COL12A1: variants seen among roughly 807,000 people sequenced by gnomAD.
COL12A1 encodes the protein collagen alpha-1(XII) chain.
In COL12A1, 114 loss-of-function variants were observed where a neutral mutation model predicts 349.7. That is an observed-to-expected ratio of 0.33 (90% CI 0.28 to 0.38). The LOEUF (loss-of-function observed/expected upper bound fraction) is 0.38. Ranked by LOEUF, COL12A1 falls within the 10% of genes least tolerant of loss-of-function variation. The pLI, the probability that COL12A1 is intolerant of heterozygous loss-of-function variation, is 1.00. For synonymous variants in COL12A1, 1,369 were observed against 1,329.0 expected, an observed-to-expected ratio of 1.03 and a Z score of -0.66; for missense variants, 3,284 against 3,756.9, an observed-to-expected ratio of 0.87 and a Z score of 3.29.
At chr6:75,149,496 T>A (rs1425091391) in intron 21 of COL12A1, among the ~76,000 whole-genome samples, 4 of 152,108 alleles carry the variant, frequency 2.6e-5, no homozygotes, top group Non-Finnish European at 5.9e-5. Context: ...CCTGTGATTG[T>A]GCTCCCTGTG....
chr6:75,131,203 G>C (rs1388387203), intron 35 of COL12A1, among the ~76,000 whole-genome samples: 1 of 152,036 alleles, frequency 6.6e-6, no homozygotes, highest in East Asian at 1.9e-4. Flanking sequence ...ACCCTTAGTA[G>C]CTTCAGTTAT....
chr6:75,086,541 A>T lies in COL12A1; in HGVS notation c.*6T>A. ...TGTAAGCAGCACTGGCGACTTAGAA[A>T]ATGTGTTAGCCGGAACCTGAAACAG... On this transcript the variant is annotated 3_prime_UTR_variant, in exon 66 of 66. Transcript: ENST00000322507. The T allele has an allele frequency of 6.2e-7, 1 of 1,607,710 alleles. No homozygotes were observed. Among genetic ancestry groups the T allele is most frequent in the Non-Finnish European group, 8.5e-7 (1 of 1,176,338 alleles).
intron 13 of COL12A1, among the ~76,000 whole-genome samples, chr6:75,172,933 C>T (rs945977200): frequency 4.9e-4 from 74 of 152,138 alleles, no homozygotes; most frequent in African/African-American, 1.6e-3. Flanking sequence ...GGCCGACTGC[C>T]GGACTTGAGT....
chr6:75,154,570 G>A, intron 16 of COL12A1, 33 bp from the exon 17 acceptor site: 1 of 1,566,546 alleles, frequency 6.4e-7, no homozygotes, highest in Non-Finnish European at 8.7e-7. Context: ...TAGCCTGTGA[G>A]AACCATAGGC....
intron 60 of COL12A1, 70 bp from the exon 61 acceptor site, chr6:75,091,595 A>G: frequency 7.0e-7 from 1 of 1,419,948 alleles, no homozygotes; most frequent in Non-Finnish European, 9.8e-7. Context: ...AATAGACATA[A>G]TGATGAACGA....
intron 1 of COL12A1, among the ~76,000 whole-genome samples, chr6:75,205,458 C>T (rs991957339): frequency 6.6e-6 from 1 of 151,842 alleles, no homozygotes; most frequent in Non-Finnish European, 1.5e-5. Context: ...CAGAACCCGG[C>T]GCGCCCTCCA....
intron 38 of COL12A1, 107 bp from the exon 39 acceptor site, chr6:75,126,577 T>C: frequency 8.3e-7 from 1 of 1,209,762 alleles, no homozygotes; most frequent in Non-Finnish European, 1.1e-6. Context: ...AATTTCATAA[T>C]ATCCCATAAT....
chr6:75,133,441 C>CA lies in COL12A1; in HGVS notation c.5665-20dup, dbSNP rs761096412. The CA allele has an allele frequency of 6.3e-7, 1 of 1,591,392 alleles. No homozygotes were observed. The highest frequency in any genetic ancestry group is 1.2e-5 in the South Asian group (1 of 85,870). The stretch of plus-strand genomic sequence containing the variant: ...TTGGTACCTAAAGATTTTAATAAAA[C>CA]AAAAAGCATTGACTTGAAAAATTTG... On this transcript the variant is annotated intron_variant, in intron 33 of 65. Coordinates refer to ENST00000322507, the MANE Select transcript of COL12A1 (RefSeq NM_004370.6).
At chr6:75,088,096 C>T (rs1002799425) in intron 64 of COL12A1, among the ~76,000 whole-genome samples, 1 of 152,186 alleles carries the variant, frequency 6.6e-6, no homozygotes, top group Non-Finnish European at 1.5e-5. Context: ...CATTGAGCTG[C>T]CATCAAAAGA....
Position 75,192,367 on chromosome 6 carries a change from A to G in COL12A1, c.191-12T>C, listed in dbSNP as rs772991479. 4.5e-5 allele frequency: 73 copies of G among 1,608,036 alleles called. No homozygotes were observed. Among genetic ancestry groups the G allele is most frequent in the Admixed American group, 2.4e-4 (14 of 59,548 alleles). On this transcript the variant is annotated splice_polypyrimidine_tract_variant and intron_variant, in intron 3 of 65. Coordinates refer to ENST00000322507, the MANE Select transcript of COL12A1 (RefSeq NM_004370.6). ...TTTAGTAGGCCCATCTGGAAATATA[A>G]AAAGGAAAAATATGAATGCAACAAA...
chr6:75,143,284 G>T lies in COL12A1; in HGVS notation c.4795C>A (p.Arg1599=), dbSNP rs1767004926. ...VPGKVRKYIV[R]YKTPEEDVKE... ...ACATCCTCTTCTGGTGTTTTGTATC[G>T]AACAATATATTTACGCACTTTTCCA... The change falls in exon 26 of 66, where the codon CGA becomes AGA. Residue 1599 remains arginine (R), a synonymous_variant. Coordinates refer to ENST00000322507, the MANE Select transcript of COL12A1 (RefSeq NM_004370.6). 6.2e-7 allele frequency: 1 copy of T among 1,613,392 alleles called. No homozygotes were observed. The highest frequency in any genetic ancestry group is 8.5e-7 in the Non-Finnish European group (1 of 1,179,796).
intron 17 of COL12A1, among the ~76,000 whole-genome samples, 165 bp downstream of exon 17, chr6:75,154,251 T>A (rs1767638897): frequency 6.6e-6 from 1 of 152,054 alleles, no homozygotes; most frequent in Non-Finnish European, 1.5e-5. Flanking sequence ...AAAAGCATGC[T>A]TGACTGGATG....
intron 55 of COL12A1, among the ~76,000 whole-genome samples, chr6:75,103,200 C>G (rs978071160): frequency 6.6e-6 from 1 of 152,170 alleles, no homozygotes; most frequent in Non-Finnish European, 1.5e-5. Context: ...GGGTTAGCAT[C>G]CTAATCTTGC....
chr6:75,124,391 A>G lies in COL12A1; in HGVS notation c.6608-20T>C. On this transcript the variant is annotated intron_variant, in intron 40 of 65. Coordinates refer to ENST00000322507, the MANE Select transcript of COL12A1 (RefSeq NM_004370.6). ...AATATACTACAAAATAAAGAAAGAA[A>G]GAGATTTACTTTGTAAATTGAGGCA... 3 of 1,544,402 alleles carry G rather than the reference A, an allele frequency of 1.9e-6. No homozygotes were observed. The highest frequency in any genetic ancestry group is 2.7e-6 in the Non-Finnish European group (3 of 1,128,532).
chr6:75,177,968 C>G lies in COL12A1; in HGVS notation c.2165-33G>C, dbSNP rs1384441810. On this transcript the variant is annotated intron_variant, in intron 11 of 65. Coordinates refer to ENST00000322507, the MANE Select transcript of COL12A1 (RefSeq NM_004370.6). ...AAAAAAGGAAAAATAGATTTTAAACCATAAATTGACTGACTTTATATGAAA... is the reference window on the plus strand; with the variant it reads ...AAAAAAGGAAAAATAGATTTTAAACGATAAATTGACTGACTTTATATGAAA... 5 of 1,549,490 alleles carry G rather than the reference C, an allele frequency of 3.2e-6. No homozygotes were observed. The East Asian group carries it at 1.1e-4, about 35-fold the overall frequency.
rs1769245477 is a variant in COL12A1, at chr6:75,119,401, C to T, written c.7159G>A (p.Ala2387Thr). The change falls in exon 45 of 66, where the codon GCC (alanine) becomes ACC (threonine). Residue 2387 changes from alanine to threonine, a missense_variant. Physicochemically the swap from Ala to Thr is moderately conservative, Grantham distance 58. Coordinates refer to ENST00000322507, the MANE Select transcript of COL12A1 (RefSeq NM_004370.6). Reference protein sequence around the residue: ...KLNTYNDKALALGALQNIRYR... With the variant: ...KLNTYNDKALTLGALQNIRYR... ...CTAATATTCTGGAGGGCCCCAAGGG[C>T]TAGGGCCTTGTCATTGTACGTGTTC... 1.9e-6 allele frequency: 3 copies of T among 1,613,874 alleles called. No homozygotes were observed. The highest frequency in any genetic ancestry group is 1.6e-4 in the Middle Eastern group (1 of 6,078).
intron 21 of COL12A1, 83 bp downstream of exon 21, chr6:75,151,058 G>GGGCA: frequency 2.7e-6 from 1 of 368,970 alleles, no homozygotes; most frequent in Non-Finnish European, 5.2e-6. Context: ...ACAAAATAGT[G>GGGCA]CCCTCCCCCC....
Position 75,129,297 on chromosome 6 carries a change from T to G in COL12A1, c.6210+794A>C, listed in dbSNP as rs139824186. Among the ~76,000 whole-genome samples the G allele has an allele frequency of 4.9e-4, 74 of 152,278 alleles. 1 individual carries two copies. The East Asian group carries it at 0.013, about 26-fold the overall frequency. On this transcript the variant is annotated intron_variant, in intron 37 of 65. Transcript: ENST00000322507. ...TTGAATTAAAGGTTACTATATCAAG[T>G]TCCAGTAGATGAAATATTTCATCAC...
At chr6:75,088,201 G>A (rs1453956452) in intron 64 of COL12A1, among the ~76,000 whole-genome samples, 6 of 152,198 alleles carry the variant, frequency 3.9e-5, no homozygotes, top group Non-Finnish European at 8.8e-5. Context: ...TTTAGCCATA[G>A]GGCTGTCCTT....
Sources: allele counts gnomAD v4.1 joint callset (sites outside exome capture counted in the v4.1 genomes callset), GRCh38; gene constraint gnomAD v4.1.1; transcripts MANE v1.5; gene names NCBI Gene and HGNC (gene_info 2026-07-23, HGNC 2026-07-21).